The following HSPG2 variants were observed in gnomAD, a reference collection of about 807,000 sequenced individuals.
HSPG2 encodes the protein heparan sulfate proteoglycan 2.
Under a neutral mutation model 526.6 loss-of-function variants are expected in HSPG2, and 278 were observed. The ratio of observed to expected loss-of-function variants is 0.53; its 90% CI spans 0.48 to 0.58. The LOEUF (loss-of-function observed/expected upper bound fraction) is 0.58. Ranked by LOEUF, HSPG2 falls within the 20% of genes least tolerant of loss-of-function variation. The probability of loss-of-function intolerance (pLI) is 0.00; values close to 1 mark genes in which losing one functional copy is unlikely to be tolerated. For missense variants in HSPG2, 5,354 were observed against 6,099.5 expected, an observed-to-expected ratio of 0.88 and a Z score of 4.07; for synonymous variants, 2,465 against 2,555.4, an observed-to-expected ratio of 0.96 and a Z score of 1.07.
intron 74 of HSPG2, among the ~76,000 whole-genome samples, chr1:21,838,620 C>T (rs2098036345): frequency 5.3e-5 from 8 of 152,284 alleles, no homozygotes; most frequent in South Asian, 2.1e-4. Flanking sequence ...GGGGAGCAGC[C>T]GTGAGAGCTA....
At position 21,880,529 on chromosome 1, in the gene HSPG2, C is replaced by A; in HGVS notation, c.2029G>T (p.Val677Leu). ...EHWVHESGRP[V>L]QRAELLQVLQ... ...ACCTGCAGCAGCTCCGCGCGCTGCACCGGCCGGCCAGACTCATGGACCCAG... is the reference window on the plus strand; with the variant it reads ...ACCTGCAGCAGCTCCGCGCGCTGCAACGGCCGGCCAGACTCATGGACCCAG... Residue 677 changes from valine to leucine, a missense_variant, in exon 16 of 97, where the codon GTG becomes TTG. Coordinates refer to ENST00000374695, the MANE Select transcript of HSPG2 (RefSeq NM_005529.7). 1 of 1,613,616 alleles carries A rather than the reference C, an allele frequency of 6.2e-7. No homozygotes were observed. The highest frequency in any genetic ancestry group is 8.5e-7 in the Non-Finnish European group (1 of 1,179,974).
rs768374707 is a variant in HSPG2 at position 21,893,757 on chromosome 1, A to C, written c.244+2165T>G. 6.6e-6 allele frequency among the ~76,000 whole-genome samples: 1 copy of C among 152,042 alleles called. No homozygotes were observed. Among genetic ancestry groups the C allele is most frequent in the Non-Finnish European group, 1.5e-5 (1 of 67,998 alleles). ...GCAGAGAGAGAGGCAGAGACATTGC[A>C]AGAGAGAGGGAGACACAAAGAGACA... On this transcript the variant is annotated intron_variant, in intron 3 of 96. Coordinates refer to ENST00000374695, the MANE Select transcript of HSPG2 (RefSeq NM_005529.7). The surrounding 1 kb of genome is among the most constrained non-coding windows in gnomAD (Gnocchi z 4.3).
intron 62 of HSPG2, 73 bp from the exon 63 acceptor site, chr1:21,846,672 C>G: frequency 6.4e-7 from 1 of 1,555,926 alleles, no homozygotes; most frequent in East Asian, 2.2e-5. Flanking sequence ...GGACCCTCTG[C>G]CATAGAAAAT....
In HSPG2 at chr1:21,890,411, G is replaced by C. The variant is rs1642271887; in HGVS notation, c.413+16C>G. On this transcript the variant is annotated intron_variant, in intron 5 of 96. Transcript: ENST00000374695. The surrounding 1 kb of genome is among the most constrained non-coding windows in gnomAD (Gnocchi z 4.1). ...CGCTCAAGTCCCCCAGCAGCCCCCA[G>C]GGAGCCCCTTCTCACTTGATGAACA... The C allele has an allele frequency of 1.9e-6, 3 of 1,612,798 alleles. No homozygotes were observed. Among genetic ancestry groups the C allele is most frequent in the Non-Finnish European group, 2.5e-6 (3 of 1,179,086 alleles).
rs544555958 is a variant in HSPG2 at position 21,935,607 on chromosome 1, CTG to C, written c.63+1546_63+1547del. Among the ~76,000 whole-genome samples the C allele has an allele frequency of 1.3e-4, 20 of 152,354 alleles. No individual in the cohort carries two copies. In the South Asian group the frequency reaches 4.1e-3, roughly 32 times the overall value. ...ATGATCTGCCACGGTCCAGGAATGT[CTG>C]TGGAAATTCCTCATGCACACAGCAA... On this transcript the variant is annotated intron_variant, in intron 1 of 96. Transcript: ENST00000374695.
rs1322499658 is a variant in HSPG2, at chr1:21,850,396, G to A, written c.7261C>T (p.Leu2421=). ...GSSVPLEASV[L]VTIEPAGSVP... is the part of the protein sequence containing the mutation. ...GAGCCCGCAGGCTCAATGGTGACCA[G>A]GACAGAGGCCTCTAGAGGCACGGAG... Residue 2421 remains leucine (L), a synonymous_variant, in exon 56 of 97, where the codon CTG becomes TTG. Transcript: ENST00000374695. 16 of 1,608,840 alleles carry A rather than the reference G, an allele frequency of 9.9e-6. No homozygotes were observed. In the Admixed American group the frequency reaches 1.7e-4, roughly 17 times the overall value.
Position 21,896,308 on chromosome 1 carries a change from C to G in HSPG2, c.66G>C (p.Val22=), listed in dbSNP as rs1287675296. The G allele has an allele frequency of 6.2e-7, 1 of 1,612,918 alleles. No individual in the cohort carries two copies. The stretch of plus-strand genomic sequence containing the variant: ...CATCGTATGCCCTCAGCCCATGGGT[C>G]ACCTGTAAGCAAACGAGAGCTGATT... ...ALLLHGRLLA[V]THGLRAYDGL... Residue 22 remains valine (V), a splice_region_variant and synonymous_variant, in exon 2 of 97, where the codon GTG becomes GTC. Transcript: ENST00000374695.
At chr1:21,832,877 G>A (rs544568955) in intron 80 of HSPG2, 6 of 578,776 alleles carry the variant, frequency 1.0e-5, no homozygotes, top group African/African-American at 3.7e-5. Context: ...AGACTCACCC[G>A]AGTAGAGAAG....
chr1:21,831,826 A>G, intron 81 of HSPG2, 30 bp from the exon 82 acceptor site: 1 of 1,575,586 alleles, frequency 6.3e-7, no homozygotes, highest in Non-Finnish European at 8.6e-7. Flanking sequence ...GGGGCAGGAG[A>G]GAGTGGATAG....
intron 52 of HSPG2, among the ~76,000 whole-genome samples, 166 bp downstream of exon 52, chr1:21,852,534 G>A (rs921972716): frequency 6.6e-6 from 1 of 152,244 alleles, no homozygotes; most frequent in African/African-American, 2.4e-5. Context: ...AAAGTGTGAC[G>A]GGAAGGCGGT....
chr1:21,842,521 C>T (rs2098053137), intron 67 of HSPG2, 141 bp from the exon 68 acceptor site: 1 of 1,109,002 alleles, frequency 9.0e-7, no homozygotes, highest in African/African-American at 1.6e-5. Context: ...GCTTCATTCA[C>T]AGAATCCTAG....
Position 21,895,864 on chromosome 1 carries a change from CT to C in HSPG2, c.244+57del, listed in dbSNP as rs1642708352. 5.2e-6 allele frequency: 8 copies of C among 1,547,418 alleles called. No homozygotes were observed. In the East Asian group the frequency reaches 1.8e-4, roughly 35 times the overall value. ...AGGAGCCCTCAGCCCAGGAGACTGG[CT>C]CTGGGGCTTCCCTGGGGGACAGGAG... On this transcript the variant is annotated intron_variant, in intron 3 of 96. Coordinates refer to ENST00000374695, the MANE Select transcript of HSPG2 (RefSeq NM_005529.7). The surrounding 1 kb of genome is among the most constrained non-coding windows in gnomAD (Gnocchi z 4.1).
At position 21,839,451 on chromosome 1, in the gene HSPG2, T is replaced by G. The variant is rs773598347; in HGVS notation, c.9809A>C (p.Gln3270Pro). 3 of 1,614,080 alleles carry G rather than the reference T, an allele frequency of 1.9e-6. No homozygotes were observed. Among genetic ancestry groups the G allele is most frequent in the Non-Finnish European group, 2.5e-6 (3 of 1,179,980 alleles). Residue 3270 changes from glutamine (Q) to proline (P), a missense_variant, in exon 73 of 97, where the codon CAG (glutamine) becomes CCG (proline). Gln to Pro is a moderately conservative substitution (Grantham distance 76). Coordinates refer to ENST00000374695, the MANE Select transcript of HSPG2 (RefSeq NM_005529.7). The surrounding 1 kb of genome is among the most constrained non-coding windows in gnomAD (Gnocchi z 4.5). ...GCAGATGTACTGGCCCGAGTCCTGCTGGGCTACCCGGGGTATGATGAGTGT... is the reference window on the plus strand; with the variant it reads ...GCAGATGTACTGGCCCGAGTCCTGCGGGGCTACCCGGGGTATGATGAGTGT... ...GDTLIIPRVA[Q>P]QDSGQYICNA...
Position 21,839,244 on chromosome 1 carries a change from C to A in HSPG2, c.9889+127G>T. ...GCCAGGGTGTGGGTGTCGGGCAGGG[C>A]AGGCTCCAGGACCCTGCAGCGCCTG... is the stretch of plus-strand genomic sequence containing the variant. On this transcript the variant is annotated intron_variant, in intron 73 of 96. Transcript: ENST00000374695. This position sits in a 1 kb window ranked among gnomAD's most constrained non-coding sequence, Gnocchi z 4.5. 2 of 1,428,450 alleles carry A rather than the reference C, an allele frequency of 1.4e-6. No individual in the cohort carries two copies. The highest frequency in any genetic ancestry group is 1.7e-5 in the Admixed American group (1 of 57,150). The allele number at this position is 1,428,450 out of a possible 1,614,324, so 88.5% of individuals were successfully genotyped here. A position where few individuals can be genotyped will look rare whatever the true frequency, so the allele number is the denominator to read the frequency against.
intron 1 of HSPG2, among the ~76,000 whole-genome samples, chr1:21,930,150 G>A (rs925610551): frequency 1.3e-5 from 2 of 151,964 alleles, no homozygotes; most frequent in Non-Finnish European, 2.9e-5. Flanking sequence ...CTTTTCCACA[G>A]ACATGCCAAG....
At position 21,885,088 on chromosome 1, in the gene HSPG2, G is replaced by A. The variant is rs1431807409; in HGVS notation, c.1280C>T (p.Thr427Ile). The A allele has an allele frequency of 4.3e-6, 7 of 1,613,724 alleles. No homozygotes were observed. The South Asian group carries it at 6.6e-5, about 15-fold the overall frequency. Residue 427 changes from threonine (T) to isoleucine (I), a missense_variant, in exon 11 of 97, where the codon ACC becomes ATC. By Grantham distance (89) the Thr-to-Ile change is moderately conservative (BLOSUM62 -1). Coordinates refer to ENST00000374695, the MANE Select transcript of HSPG2 (RefSeq NM_005529.7). The stretch of plus-strand genomic sequence containing the variant: ...GGTGGGGACGCCAATGGCCACGCAG[G>A]TGAAGGTCACTGTCTGGCCCCGGGA... ...QASRGQTVTF[T>I]CVAIGVPTPI...
intron 57 of HSPG2, 71 bp from the exon 58 acceptor site, chr1:21,849,102 T>C: frequency 6.4e-7 from 1 of 1,553,674 alleles, no homozygotes; most frequent in Non-Finnish European, 8.8e-7. Context: ...TCCTGTTCCC[T>C]TCCCTGGTGC....
intron 64 of HSPG2, 44 bp from the exon 65 acceptor site, chr1:21,844,343 A>G (rs772166215): frequency 6.5e-5 from 104 of 1,588,866 alleles, no homozygotes; most frequent in Non-Finnish European, 8.7e-5. Context: ...TGCCACCCTG[A>G]TGCCCTCAGC....
At chr1:21,937,080 G>T in intron 1 of HSPG2, 75 bp downstream of exon 1, 1 of 516,852 alleles carries the variant, frequency 1.9e-6, no homozygotes, top group Non-Finnish European at 2.6e-6. Flanking sequence ...CAAGTTGGCG[G>T]GAGGCGGCGA....
Sources: allele counts gnomAD v4.1 joint callset (sites outside exome capture counted in the v4.1 genomes callset), GRCh38; gene constraint gnomAD v4.1.1; non-coding constraint Gnocchi (gnomAD v3.1); transcripts MANE v1.5; gene names NCBI Gene and HGNC (gene_info 2026-07-23, HGNC 2026-07-21).